RRAS2: variants seen among roughly 807,000 people sequenced by gnomAD.
The protein encoded by RRAS2 is RAS related 2.
A neutral mutation model predicts 27.6 loss-of-function variants in RRAS2; 7 were observed. The observed-to-expected ratio is 0.25, with a 90% CI of 0.14 to 0.48. The LOEUF is 0.48. Among genes scored for constraint, RRAS2 ranks in the 20% least tolerant of loss-of-function variants. The probability of loss-of-function intolerance (pLI) is 0.99; values close to 1 mark genes in which losing one functional copy is unlikely to be tolerated. For missense variants in RRAS2, 178 were observed against 256.2 expected, an observed-to-expected ratio of 0.69 and a Z score of 2.08; for synonymous variants, 86 against 90.9, an observed-to-expected ratio of 0.95 and a Z score of 0.31.
rs772670232 is a variant in RRAS2 at position 14,358,080 on chromosome 11, G to C, written c.108+683C>G. ...CCCAAACTTCACCTAGGCACGGCGAGAAGCAGGACGGCATCAGGAATTCCT... is the reference window on the plus strand; with the variant it reads ...CCCAAACTTCACCTAGGCACGGCGACAAGCAGGACGGCATCAGGAATTCCT... On this transcript the variant is annotated intron_variant, in intron 1 of 5. Coordinates refer to ENST00000256196, the MANE Select transcript of RRAS2 (RefSeq NM_012250.6). This position sits in a 1 kb window ranked among gnomAD's most constrained non-coding sequence, Gnocchi z 5.1. Among the ~76,000 whole-genome samples the C allele has an allele frequency of 3.3e-5, 5 of 152,190 alleles. No individual in the cohort carries two copies. Among genetic ancestry groups the C allele is most frequent in the Non-Finnish European group, 7.4e-5 (5 of 68,024 alleles).
In RRAS2 at chr11:14,280,208, A is replaced by G. The variant is rs538379911; in HGVS notation, c.528-784T>C. Among the ~76,000 whole-genome samples, 373 of 152,296 alleles carry G rather than the reference A, an allele frequency of 2.4e-3. 3 individuals carry two copies. The highest frequency in any genetic ancestry group is 8.5e-3 in the African/African-American group (355 of 41,558). On this transcript the variant is annotated intron_variant, in intron 5 of 5. Transcript: ENST00000256196. ...CAATTTGATGGTATCAAGTATATGC[A>G]TGATGTTGTGCAACCATCATCGCCA... is the stretch of plus-strand genomic sequence containing the variant.
intron 1 of RRAS2, among the ~76,000 whole-genome samples, chr11:14,352,922 A>G (rs1396758285): frequency 6.6e-6 from 1 of 151,556 alleles, no homozygotes; most frequent in Non-Finnish European, 1.5e-5. Flanking sequence ...TCAGCTCCTG[A>G]GTAGTAGCTG....
intron 1 of RRAS2, among the ~76,000 whole-genome samples, chr11:14,330,556 T>A (rs1485479402): frequency 3.3e-5 from 5 of 152,134 alleles, no homozygotes; most frequent in African/African-American, 1.2e-4. Context: ...AACACCATAC[T>A]CAGAAACTTA....
rs532209258 is a variant in RRAS2, at chr11:14,329,941, G to A, written c.108+28822C>T. On this transcript the variant is annotated intron_variant, in intron 1 of 5. Coordinates refer to ENST00000256196, the MANE Select transcript of RRAS2 (RefSeq NM_012250.6). ...TAAAAATAAATTAGCCAGGCGTGGT[G>A]ACACATGCTTGTAGTCCTAGCTCTT... 9.2e-5 allele frequency among the ~76,000 whole-genome samples: 14 copies of A among 152,132 alleles called. 1 individual carries two copies. The South Asian group carries it at 2.7e-3, about 29-fold the overall frequency.
intron 4 of RRAS2, among the ~76,000 whole-genome samples, chr11:14,286,133 C>T (rs547093512): frequency 2.6e-5 from 4 of 152,120 alleles, no homozygotes; most frequent in Non-Finnish European, 5.9e-5. Context: ...CATAAAATAA[C>T]GGTCAAAATA....
At chr11:14,343,618 A>G (rs1848764384) in intron 1 of RRAS2, among the ~76,000 whole-genome samples, 1 of 151,998 alleles carries the variant, frequency 6.6e-6, no homozygotes, top group Non-Finnish European at 1.5e-5. Context: ...GCTTGAGCTC[A>G]GCCTGAGTTT....
intron 1 of RRAS2, among the ~76,000 whole-genome samples, chr11:14,297,284 G>T (rs11023182): frequency 0.15 from 22,389 of 152,034 alleles, 1,847 homozygotes; most frequent in African/African-American, 0.19. Context: ...CCTTCTTCAG[G>T]CAAGGGTTCC....
At chr11:14,310,836 T>C (rs1847947017) in intron 1 of RRAS2, among the ~76,000 whole-genome samples, 1 of 152,230 alleles carries the variant, frequency 6.6e-6, no homozygotes, top group Admixed American at 6.5e-5. Context: ...TTGTTTCTTA[T>C]TCAGTGTTCT....
chr11:14,335,082 T>C (rs1304490653), intron 1 of RRAS2, among the ~76,000 whole-genome samples: 2 of 152,246 alleles, frequency 1.3e-5, no homozygotes, highest in African/African-American at 2.4e-5. Flanking sequence ...GTGACCCTGC[T>C]GAACACTCAA....
chr11:14,320,434 A>G (rs776670136), intron 1 of RRAS2, among the ~76,000 whole-genome samples: 1 of 152,220 alleles, frequency 6.6e-6, no homozygotes, highest in Non-Finnish European at 1.5e-5. Flanking sequence ...AGTAATCAAG[A>G]CAAAAAATTT....
At chr11:14,332,672 A>C (rs1365316942) in intron 1 of RRAS2, among the ~76,000 whole-genome samples, 2 of 152,230 alleles carry the variant, frequency 1.3e-5, no homozygotes, top group Non-Finnish European at 2.9e-5. Flanking sequence ...AATGGGAATA[A>C]AAAGTCAGAA....
Position 14,294,589 on chromosome 11 carries a change from A to C in RRAS2, c.300-10T>G, listed in dbSNP as rs1847497034. ...ATAGATTTCTTCAAAACTTAAAAAA[A>C]AAAAATCAAAAACAAATTAATCAAT... On this transcript the variant is annotated splice_polypyrimidine_tract_variant and intron_variant, in intron 3 of 5. Coordinates refer to ENST00000256196, the MANE Select transcript of RRAS2 (RefSeq NM_012250.6). The C allele has an allele frequency of 6.4e-7, 1 of 1,565,082 alleles. No individual in the cohort carries two copies. Among genetic ancestry groups the C allele is most frequent in the African/African-American group, 1.4e-5 (1 of 72,344 alleles).
chr11:14,283,753 C>G (rs1293292627), intron 4 of RRAS2, among the ~76,000 whole-genome samples: 1 of 152,158 alleles, frequency 6.6e-6, no homozygotes, highest in African/African-American at 2.4e-5. Context: ...AGTGAAGATA[C>G]CGCTCTCAAT....
At chr11:14,356,763 A>C in intron 1 of RRAS2, 1 of 452,574 alleles carries the variant, frequency 2.2e-6, no homozygotes, top group South Asian at 1.6e-5. Context: ...TTCTTCAACA[A>C]ATGATTCTAT....
intron 1 of RRAS2, among the ~76,000 whole-genome samples, chr11:14,303,037 C>A (rs936676878): frequency 6.6e-6 from 1 of 152,152 alleles, no homozygotes; most frequent in South Asian, 2.1e-4. Context: ...ACACAGTAGG[C>A]CCTTAATAAA....
At chr11:14,304,663 G>A (rs1440472508) in intron 1 of RRAS2, among the ~76,000 whole-genome samples, 1 of 152,142 alleles carries the variant, frequency 6.6e-6, no homozygotes, top group African/African-American at 2.4e-5. Context: ...GGACTGCAGT[G>A]GGGAAAGAAG....
chr11:14,294,485 C>T lies in RRAS2; in HGVS notation c.394G>A (p.Asp132Asn). Residue 132 changes from aspartate (D) to asparagine (N), a missense_variant, in exon 4 of 6, where the codon GAT (aspartate) becomes AAT (asparagine). By Grantham distance (23) the Asp-to-Asn change is conservative. Coordinates refer to ENST00000256196, the MANE Select transcript of RRAS2 (RefSeq NM_012250.6). ...MILIGNKADL[D>N]HQRQVTQEEG... is the part of the protein sequence containing the mutation. Reference sequence around the variant, plus strand: ...TTCCTTCTCACCTGTCTTTGATGATCCAGATCTGCTTTATTACCAATTAAA... The same window carrying T: ...TTCCTTCTCACCTGTCTTTGATGATTCAGATCTGCTTTATTACCAATTAAA... 6.3e-7 allele frequency: 1 copy of T among 1,586,790 alleles called. No homozygotes were observed. The highest frequency in any genetic ancestry group is 8.6e-7 in the Non-Finnish European group (1 of 1,166,592).
chr11:14,341,845 T>G (rs191950730), intron 1 of RRAS2: 3 of 454,132 alleles, frequency 6.6e-6, no homozygotes, highest in African/African-American at 4.0e-5. Context: ...TGTAATATGA[T>G]TGAAGACTCT....
In RRAS2 at chr11:14,310,024, G is replaced by A. The variant is rs140854357; in HGVS notation, c.109-14169C>T. On this transcript the variant is annotated intron_variant, in intron 1 of 5. Transcript: ENST00000256196. ...AGAAAATTGCAGCTTGAAGGGAGGT[G>A]ACTGGAATGGAGGTGTAAAGTGGCC... 2.8e-3 allele frequency among the ~76,000 whole-genome samples: 431 copies of A among 152,300 alleles called. 2 individuals carry two copies. Among genetic ancestry groups the A allele is most frequent in the African/African-American group, 9.8e-3 (409 of 41,562 alleles).
Sources: gnomAD v4.1 joint callset for allele counts (sites outside exome capture counted in the v4.1 genomes callset) on GRCh38, gnomAD v4.1.1 for gene constraint, Gnocchi (gnomAD v3.1) non-coding constraint, MANE v1.5 for transcripts, NCBI Gene and HGNC (gene_info 2026-07-23, HGNC 2026-07-21) for gene names.